The following CAPN5 variants were observed in gnomAD, a reference collection of about 807,000 sequenced individuals.
The protein encoded by CAPN5 is calpain 5.
Under a neutral mutation model 73.0 loss-of-function variants are expected in CAPN5, and 54 were observed. The observed-to-expected ratio is 0.74, with a 90% CI of 0.59 to 0.93. The LOEUF (loss-of-function observed/expected upper bound fraction) is 0.93, where lower values mean the gene tolerates loss of function less well. Ranked by LOEUF, CAPN5 falls within the 40% of genes least tolerant of loss-of-function variation. The pLI, the probability that CAPN5 is intolerant of heterozygous loss-of-function variation, is 0.00. For synonymous variants in CAPN5, 335 were observed against 356.9 expected (o/e 0.94, Z 0.69); for missense variants, 785 against 882.9 (o/e 0.89, Z 1.41).
At chr11:77,092,876 A>C (rs1950162990) in intron 2 of CAPN5, among the ~76,000 whole-genome samples, 1 of 152,226 alleles carries the variant, frequency 6.6e-6, no homozygotes, top group African/African-American at 2.4e-5. Flanking sequence ...GTGAGGCAGG[A>C]GAATTGCTTG....
chr11:77,120,510 C>A, intron 9 of CAPN5: 1 of 475,654 alleles, frequency 2.1e-6, no homozygotes. Flanking sequence ...TCCCTTTAAC[C>A]ACCACCACCC....
At chr11:77,071,980 GC>G (rs1410461445) in intron 1 of CAPN5, among the ~76,000 whole-genome samples, 1 of 152,154 alleles carries the variant, frequency 6.6e-6, no homozygotes, top group African/African-American at 2.4e-5. Context: ...CCAAGGCCAC[GC>G]CATACTGGGC....
At chr11:77,119,595 C>T (rs76813570) in intron 9 of CAPN5, 147 of 174,548 alleles carry the variant, frequency 8.4e-4, no homozygotes, top group African/African-American at 3.3e-3. Context: ...CAGGTGGGGT[C>T]ACCTATGGCC....
chr11:77,114,371 C>G lies in CAPN5; in HGVS notation c.636C>G (p.Asn212Lys). The G allele has an allele frequency of 6.2e-7, 1 of 1,614,182 alleles. No individual in the cohort carries two copies. Among genetic ancestry groups the G allele is most frequent in the Non-Finnish European group, 8.5e-7 (1 of 1,180,028 alleles). The change falls in exon 5 of 13, where the codon AAC (asparagine) becomes AAG (lysine). Residue 212 changes from asparagine to lysine, a missense_variant. Asn to Lys is a moderately conservative substitution (Grantham distance 94, BLOSUM62 0). Coordinates refer to ENST00000648180, the MANE Select transcript of CAPN5 (RefSeq NM_004055.5). ...GDFANDETKR[N>K]QLFERMLKVH... ...TTGCCAACGATGAGACTAAGAGGAA[C>G]CAGCTCTTTGAGCGCATGTTAAAGG...
intron 3 of CAPN5, among the ~76,000 whole-genome samples, chr11:77,111,359 G>A (rs1050567394): frequency 6.6e-6 from 1 of 152,156 alleles, no homozygotes; most frequent in Admixed American, 6.5e-5. Context: ...TCAAACCAAG[G>A]TTGGTCTGCC....
intron 3 of CAPN5, among the ~76,000 whole-genome samples, chr11:77,099,639 G>A (rs2135450417): frequency 6.6e-6 from 1 of 151,536 alleles, no homozygotes; most frequent in Non-Finnish European, 1.5e-5. Context: ...GAATCAGGCA[G>A]GGAGGTTGCA....
intron 1 of CAPN5, chr11:77,071,743 G>A (rs1949908953): frequency 2.4e-6 from 1 of 419,022 alleles, no homozygotes; most frequent in Admixed American, 2.4e-5. Flanking sequence ...CCTCTGCCTG[G>A]GTATGGGGAG....
intron 1 of CAPN5, among the ~76,000 whole-genome samples, chr11:77,067,834 C>T (rs528923133): frequency 9.2e-5 from 14 of 152,014 alleles, no homozygotes; most frequent in Non-Finnish European, 1.8e-4. Context: ...GTTCTCTCTC[C>T]CAGTCATTTC....
At chr11:77,085,857 T>C (rs1950080284) in intron 2 of CAPN5, among the ~76,000 whole-genome samples, 1 of 152,158 alleles carries the variant, frequency 6.6e-6, no homozygotes, top group Non-Finnish European at 1.5e-5. Context: ...CTCCCTGGCC[T>C]CCAGGGCTGT....
chr11:77,119,089 A>C lies in CAPN5; in HGVS notation c.1227A>C (p.Pro409=), dbSNP rs782600645. The change falls in exon 9 of 13, where the codon CCA becomes CCC. Residue 409 remains proline (P), a synonymous_variant. Coordinates refer to ENST00000648180, the MANE Select transcript of CAPN5 (RefSeq NM_004055.5). ...DEVLICIQQR[P]KRSTRREGKG... ...TCCTGATCTGCATCCAGCAGCGGCC[A>C]AAGCGGTCTACGCGCCGGGAGGGCA... 6.2e-6 allele frequency: 10 copies of C among 1,613,988 alleles called. No individual in the cohort carries two copies. The East Asian group carries it at 2.2e-4, about 36-fold the overall frequency.
chr11:77,088,103 A>G, intron 2 of CAPN5: 2 of 1,503,332 alleles, frequency 1.3e-6, no homozygotes, highest in Non-Finnish European at 1.8e-6. Context: ...ACATCCCCTC[A>G]TCCAGCATGC....
intron 2 of CAPN5, among the ~76,000 whole-genome samples, chr11:77,086,036 G>A (rs1285769260): frequency 6.6e-6 from 1 of 152,218 alleles, no homozygotes; most frequent in Admixed American, 6.5e-5. Context: ...GTGGGAAAAG[G>A]CAGAGGGAAT....
At position 77,118,333 on chromosome 11, in the gene CAPN5, CCTT is replaced by C. The variant is rs782528099; in HGVS notation, c.1153_1155del (p.Phe385del). On this transcript the variant is annotated inframe_deletion, in exon 8 of 13. Coordinates refer to ENST00000648180, the MANE Select transcript of CAPN5 (RefSeq NM_004055.5). ...GGCGGCTGCATCAACCACAAGGACA[CCTT>C]CTTCCAGAACCCACAGGTGGGCGTT... The C allele has an allele frequency of 2.6e-5, 42 of 1,595,068 alleles. No individual in the cohort carries two copies. Among genetic ancestry groups the C allele is most frequent in the Non-Finnish European group, 3.4e-5 (40 of 1,170,228 alleles).
intron 9 of CAPN5, chr11:77,119,660 G>A (rs1555042409): frequency 6.3e-6 from 1 of 159,840 alleles, no homozygotes. Flanking sequence ...CCCAGTGTGT[G>A]GTGACAGTCA....
At chr11:77,110,047 T>C (rs1311032190) in intron 3 of CAPN5, among the ~76,000 whole-genome samples, 2 of 152,102 alleles carry the variant, frequency 1.3e-5, no homozygotes, top group African/African-American at 2.4e-5. Flanking sequence ...GCAGATCTTG[T>C]TTCTTTCTGG....
At chr11:77,088,014 C>A in intron 2 of CAPN5, 1 of 1,536,004 alleles carries the variant, frequency 6.5e-7, no homozygotes, top group Non-Finnish European at 8.7e-7. Context: ...TGTCCCCAGG[C>A]CTGGGAGCTC....
chr11:77,093,733 C>T lies in CAPN5; in HGVS notation c.217C>T (p.Leu73=), dbSNP rs1950178635. 3.7e-6 allele frequency: 6 copies of T among 1,611,806 alleles called. No homozygotes were observed. In the East Asian group the frequency reaches 1.3e-4, roughly 36 times the overall value. ...LFVDGISSHD[L]HQGQVGNCWF... is the part of the protein sequence containing the mutation. ...TGTGGATGGCATCAGCTCCCACGAC[C>T]TGCACCAGGGCCAGGTGGGCAACTG... is the stretch of plus-strand genomic sequence containing the variant. Residue 73 remains leucine, a synonymous_variant, in exon 3 of 13, where the codon CTG becomes TTG. Transcript: ENST00000648180.
Position 77,112,873 on chromosome 11 carries a change from G to A in CAPN5, c.506+76G>A, listed in dbSNP as rs782549779. ...CCGGATGGGCTCCTCGTGGTATTCC[G>A]TTAGCCAGGGCTTTAGGCACAGAGA... On this transcript the variant is annotated intron_variant, in intron 4 of 12. Coordinates refer to ENST00000648180, the MANE Select transcript of CAPN5 (RefSeq NM_004055.5). The A allele has an allele frequency of 2.5e-4, 345 of 1,370,632 alleles. 1 individual carries two copies. Among genetic ancestry groups the A allele is most frequent in the Non-Finnish European group, 3.2e-4 (310 of 972,770 alleles). 84.9% of individuals were successfully genotyped at this position (1,370,632 alleles called of 1,614,324 possible).
chr11:77,070,285 A>G (rs1424583570), intron 1 of CAPN5, among the ~76,000 whole-genome samples: 2 of 152,140 alleles, frequency 1.3e-5, no homozygotes, highest in Admixed American at 1.3e-4. Context: ...AAGCCCATCC[A>G]CTGGTCCCCA....
Sources: allele counts gnomAD v4.1 joint callset (sites outside exome capture counted in the v4.1 genomes callset), GRCh38; gene constraint gnomAD v4.1.1; transcripts MANE v1.5; gene names NCBI Gene and HGNC (gene_info 2026-07-23, HGNC 2026-07-21).